Variants in DNAJC13 observed in about 807,000 individuals in gnomAD.
The protein encoded by DNAJC13 is dnaJ homolog subfamily C member 13.
Under a neutral mutation model 290.5 loss-of-function variants are expected in DNAJC13, and 75 were observed. The ratio of observed to expected loss-of-function variants is 0.26; its 90% CI spans 0.21 to 0.31. The LOEUF (loss-of-function observed/expected upper bound fraction) is 0.31. DNAJC13 is among the 10% of genes least tolerant of loss of function. The pLI, the probability that DNAJC13 is intolerant of heterozygous loss-of-function variation, is 1.00. For missense variants in DNAJC13, 2,260 were observed against 2,674.5 expected (o/e 0.85, Z 3.42); for synonymous variants, 862 against 892.0 (o/e 0.97, Z 0.60).
At chr3:132,529,786 C>CAAAA (rs11402210) in intron 54 of DNAJC13, among the ~76,000 whole-genome samples, 64 of 92,848 alleles carry the variant, frequency 6.9e-4, no homozygotes, top group African/African-American at 2.0e-3. Flanking sequence ...GACTCTGTCT[C>CAAAA]AAAAAAAAAA....
Position 132,525,761 on chromosome 3 carries a change from G to A in DNAJC13, c.6212G>A (p.Arg2071Gln), listed in dbSNP as rs771909946. 3.8e-5 allele frequency: 61 copies of A among 1,613,934 alleles called. No individual in the cohort carries two copies. The East Asian group carries it at 1.2e-3, about 32-fold the overall frequency. ...AATGCCATTCCTAAGAGTGCCATTC[G>A]GGTTATCCATGCCTTGTCTGAAAAT... ...RNNAIPKSAI[R>Q]VIHALSENEL... is the part of the protein sequence containing the mutation. Residue 2071 changes from arginine to glutamine, a missense_variant, in exon 52 of 56, where the codon CGG becomes CAG. Around this residue, in one of 3 missense-constraint regions of DNAJC13, gnomAD observed 1,494 missense variants for 1,693.7 expected, o/e 0.88. Coordinates refer to ENST00000260818, the MANE Select transcript of DNAJC13 (RefSeq NM_015268.4).
intron 55 of DNAJC13, chr3:132,537,250 G>T: frequency 2.2e-6 from 1 of 456,250 alleles, no homozygotes; most frequent in Non-Finnish European, 4.4e-6. Context: ...TAACTTCTGT[G>T]TAGCTCTCTG....
intron 22 of DNAJC13, among the ~76,000 whole-genome samples, chr3:132,476,181 A>G (rs1016733870): frequency 2.0e-5 from 3 of 151,966 alleles, no homozygotes; most frequent in African/African-American, 7.2e-5. Flanking sequence ...CCAGATTTTT[A>G]TCTCTTGCTT....
At chr3:132,494,294 C>G in intron 34 of DNAJC13, 35 bp downstream of exon 34, 2 of 1,471,908 alleles carry the variant, frequency 1.4e-6, no homozygotes, top group East Asian at 2.3e-5. Context: ...AAATGTCTGT[C>G]CCACCTTAAA....
At chr3:132,463,962 G>A (rs1431408583) in intron 17 of DNAJC13, 145 bp downstream of exon 17, 3 of 993,670 alleles carry the variant, frequency 3.0e-6, no homozygotes, top group African/African-American at 3.4e-5. Context: ...CCTTACAGAA[G>A]GATTTTGCCC....
Position 132,417,533 on chromosome 3 carries a change from TGGC to T in DNAJC13, c.-237_-235del, listed in dbSNP as rs1400150121. On this transcript the variant is annotated 5_prime_UTR_variant, in exon 1 of 56. Transcript: ENST00000260818. ...CGCTCGCTCAAAGCCTGAGCGAAGA[TGGC>T]GGCCTCCAGAGTGAAACTCTGAGAG... The T allele has an allele frequency of 1.3e-5, 2 of 149,978 alleles. No homozygotes were observed. The highest frequency in any genetic ancestry group is 3.0e-5 in the Non-Finnish European group (2 of 67,580). The allele number at this position is 149,978 out of a possible 1,614,324, so 9.3% of individuals were successfully genotyped here. A position where few individuals can be genotyped will look rare whatever the true frequency, so the allele number is the denominator to read the frequency against.
chr3:132,441,654 C>T (rs1345962048), intron 2 of DNAJC13, among the ~76,000 whole-genome samples: 3 of 152,088 alleles, frequency 2.0e-5, no homozygotes, highest in African/African-American at 7.2e-5. Context: ...TGAATTTTCT[C>T]TATTATAATA....
At chr3:132,483,271 A>G in intron 27 of DNAJC13, 104 bp from the exon 28 acceptor site, 3 of 1,052,644 alleles carry the variant, frequency 2.8e-6, no homozygotes, top group South Asian at 1.5e-5. Context: ...GTGTACTTAC[A>G]TGTTTGTTTC....
intron 5 of DNAJC13, 49 bp from the exon 6 acceptor site, chr3:132,450,598 A>G: frequency 7.3e-7 from 1 of 1,372,706 alleles, no homozygotes; most frequent in African/African-American, 1.5e-5. Context: ...ATTTTATTTT[A>G]TATGATTTTA....
chr3:132,433,940 G>A (rs1464774126), intron 1 of DNAJC13, among the ~76,000 whole-genome samples: 6 of 152,160 alleles, frequency 3.9e-5, no homozygotes, highest in African/African-American at 1.2e-4. Context: ...TTGACCGGGC[G>A]CTGTGGCTCA....
rs778082818 is a variant in DNAJC13 at position 132,456,695 on chromosome 3, C to T, written c.1212C>T (p.Ile404=). The part of the protein sequence containing the change: ...GLFSENKEKL[I]NNAITALLSQ... ...TCTCAGAAAACAAAGAAAAACTGAT[C>T]AATAATGCCATAACAGCATTACTGT... is the stretch of plus-strand genomic sequence containing the variant. The change falls in exon 12 of 56, where the codon ATC becomes ATT. Residue 404 remains isoleucine (I), a synonymous_variant. Transcript: ENST00000260818. 9 of 1,613,804 alleles carry T rather than the reference C, an allele frequency of 5.6e-6. No individual in the cohort carries two copies. The Admixed American group carries it at 1.0e-4, about 18-fold the overall frequency.
intron 48 of DNAJC13, 73 bp from the exon 49 acceptor site, chr3:132,522,755 T>G: frequency 8.0e-7 from 1 of 1,244,684 alleles, no homozygotes; most frequent in Middle Eastern, 2.1e-4. Context: ...TTCTATCTTA[T>G]TAGCAAAATA....
At chr3:132,463,238 T>C (rs1933865907) in intron 16 of DNAJC13, among the ~76,000 whole-genome samples, 1 of 152,250 alleles carries the variant, frequency 6.6e-6, no homozygotes, top group Non-Finnish European at 1.5e-5. Context: ...GCTGTAAATA[T>C]ATATAGGCAT....
At chr3:132,513,225 C>T (rs957989627) in intron 45 of DNAJC13, 126 bp downstream of exon 45, 2 of 724,114 alleles carry the variant, frequency 2.8e-6, no homozygotes, top group Non-Finnish European at 4.7e-6. Flanking sequence ...CCTATTAAGA[C>T]ACATCAATAT....
intron 2 of DNAJC13, among the ~76,000 whole-genome samples, chr3:132,443,547 G>T (rs897009645): frequency 1.3e-5 from 2 of 152,194 alleles, no homozygotes; most frequent in African/African-American, 4.8e-5. Flanking sequence ...ATCTAAGGGG[G>T]CTTTTTAGAA....
At chr3:132,530,320 C>A (rs1936380802) in intron 54 of DNAJC13, among the ~76,000 whole-genome samples, 1 of 152,150 alleles carries the variant, frequency 6.6e-6, no homozygotes, top group Non-Finnish European at 1.5e-5. Context: ...TCAGTAAATA[C>A]TAGATATGAA....
At chr3:132,471,340 G>T (rs1281424011) in intron 20 of DNAJC13, among the ~76,000 whole-genome samples, 1 of 143,622 alleles carries the variant, frequency 7.0e-6, no homozygotes, top group African/African-American at 2.6e-5. Context: ...CCGGGCGGGG[G>T]GTTGACCCCC....
intron 1 of DNAJC13, among the ~76,000 whole-genome samples, chr3:132,429,853 C>T (rs1469440299): frequency 6.6e-6 from 1 of 152,062 alleles, no homozygotes; most frequent in Admixed American, 6.6e-5. Context: ...AATTTTCTTC[C>T]ATAAAAAGCC....
intron 5 of DNAJC13, among the ~76,000 whole-genome samples, chr3:132,449,375 A>G (rs1447397606): frequency 1.3e-5 from 2 of 152,120 alleles, no homozygotes; most frequent in African/African-American, 4.8e-5. Context: ...AATATCCTAT[A>G]TAGTGGTCTT....
Sources: gnomAD v4.1 joint callset for allele counts (sites outside exome capture counted in the v4.1 genomes callset) on GRCh38, gnomAD v4.1.1 for gene constraint, gnomAD v4.1.1 regional missense constraint, MANE v1.5 for transcripts, NCBI Gene and HGNC (gene_info 2026-07-23, HGNC 2026-07-21) for gene names.